The following ELMO1 variants were observed in gnomAD, a reference collection of about 807,000 sequenced individuals.
The protein encoded by ELMO1 is engulfment and cell motility protein 1.
A neutral mutation model predicts 98.9 loss-of-function variants in ELMO1; 26 were observed. That is an observed-to-expected ratio of 0.26 (90% confidence interval 0.19 to 0.36). The LOEUF (loss-of-function observed/expected upper bound fraction) is 0.36. ELMO1 is among the 10% of genes least tolerant of loss of function. The pLI is 1.00. For synonymous variants in ELMO1, 346 were observed against 346.0 expected, an observed-to-expected ratio of 1.00 and a Z score of 0.00; for missense variants, 627 against 935.2, an observed-to-expected ratio of 0.67 and a Z score of 4.30.
At chr7:36,950,572 A>T (rs1159644930) in intron 16 of ELMO1, among the ~76,000 whole-genome samples, 1 of 152,168 alleles carries the variant, frequency 6.6e-6, no homozygotes, top group Non-Finnish European at 1.5e-5. Context: ...GTCCTTCCTA[A>T]GGTGAAGGTA....
intron 16 of ELMO1, among the ~76,000 whole-genome samples, chr7:36,947,190 T>C (rs1235544081): frequency 6.6e-6 from 1 of 152,220 alleles, no homozygotes; most frequent in Non-Finnish European, 1.5e-5. Context: ...ACCCAATGTT[T>C]AGCTCTCACT....
At chr7:36,962,720 T>A (rs1226512424) in intron 16 of ELMO1, among the ~76,000 whole-genome samples, 3 of 152,138 alleles carry the variant, frequency 2.0e-5, no homozygotes, top group African/African-American at 7.2e-5. Context: ...CTAAAATTCA[T>A]GAGCTCCTTA....
chr7:36,975,912 A>G (rs925643842), intron 16 of ELMO1, among the ~76,000 whole-genome samples: 2 of 152,196 alleles, frequency 1.3e-5, no homozygotes, highest in African/African-American at 2.4e-5. Context: ...TGTACATACA[A>G]TAGTGATTTG....
At chr7:37,388,544 C>T (rs946092781) in intron 1 of ELMO1, among the ~76,000 whole-genome samples, 1 of 151,388 alleles carries the variant, frequency 6.6e-6, no homozygotes, top group African/African-American at 2.4e-5. Context: ...GCTGGGAAAA[C>T]CAAATGTCTT....
intron 13 of ELMO1, among the ~76,000 whole-genome samples, chr7:37,177,884 G>A (rs1052337782): frequency 1.3e-5 from 2 of 152,164 alleles, no homozygotes; most frequent in African/African-American, 4.8e-5. Context: ...ATTGAAATCA[G>A]CTTTCTAAAA....
At chr7:36,972,283 G>A (rs17334729) in intron 16 of ELMO1, among the ~76,000 whole-genome samples, 1 of 152,116 alleles carries the variant, frequency 6.6e-6, no homozygotes, top group Admixed American at 6.6e-5. Flanking sequence ...ATAACAACTC[G>A]TATCCTGATG....
chr7:36,861,444 C>T (rs1304657609), intron 21 of ELMO1, among the ~76,000 whole-genome samples: 1 of 151,918 alleles, frequency 6.6e-6, no homozygotes, highest in African/African-American at 2.4e-5. Flanking sequence ...CATCCTTTTT[C>T]TTTACCATGA....
intron 3 of ELMO1, 86 bp downstream of exon 3, chr7:37,315,834 A>G: frequency 8.1e-7 from 1 of 1,233,716 alleles, no homozygotes; most frequent in Non-Finnish European, 1.2e-6. Context: ...CTTATGAATA[A>G]TATTTTACTA....
rs1803394437 is a variant in ELMO1, at chr7:37,398,585, A to AAACT, written c.-74+50086_-74+50089dup. On this transcript the variant is annotated intron_variant, in intron 1 of 21. Coordinates refer to ENST00000310758, the MANE Select transcript of ELMO1 (RefSeq NM_014800.11). ...CAAAAGTCAACCTTTCTATGCAAGG[A>AAACT]AACTAACGGGCTGAAGTTTCCTTCC... 2.6e-5 allele frequency among the ~76,000 whole-genome samples: 4 copies of AAACT among 152,348 alleles called. No homozygotes were observed. In the South Asian group the frequency reaches 6.2e-4, roughly 24 times the overall value.
intron 6 of ELMO1, among the ~76,000 whole-genome samples, chr7:37,247,753 C>T (rs1795088233): frequency 6.6e-6 from 1 of 152,156 alleles, no homozygotes; most frequent in South Asian, 2.1e-4. Context: ...GTGCAAGGTG[C>T]CACCTGGAGC....
intron 15 of ELMO1, among the ~76,000 whole-genome samples, chr7:37,086,323 T>G (rs1783768195): frequency 7.0e-6 from 1 of 143,602 alleles, no homozygotes; most frequent in African/African-American, 2.7e-5. Context: ...TTTGTAACAA[T>G]ACATGACTGT....
rs377096701 is a variant in ELMO1, at chr7:37,346,775, C to G, written c.-73-4012G>C. ...AAAATGCATTTTAAGTACCTTGCCC[C>G]CACCTCTACATAAAATTGTCTAGAA... On this transcript the variant is annotated intron_variant, in intron 1 of 21. Coordinates refer to ENST00000310758, the MANE Select transcript of ELMO1 (RefSeq NM_014800.11). Among the ~76,000 whole-genome samples the G allele has an allele frequency of 1.1e-3, 164 of 152,258 alleles. 6 individuals carry two copies. In the South Asian group the frequency reaches 0.034, roughly 31 times the overall value.
intron 14 of ELMO1, among the ~76,000 whole-genome samples, chr7:37,120,397 A>G (rs2551068): frequency 0.25 from 38,099 of 152,124 alleles, 6,197 homozygotes; most frequent in African/African-American, 0.47. Flanking sequence ...GGTAACAAAC[A>G]GCACCTGGGA....
At chr7:37,348,748 G>C (rs1409194255) in intron 1 of ELMO1, among the ~76,000 whole-genome samples, 1 of 151,894 alleles carries the variant, frequency 6.6e-6, no homozygotes, top group African/African-American at 2.4e-5. Flanking sequence ...TATGCCCCAA[G>C]TTCAACATGC....
intron 15 of ELMO1, among the ~76,000 whole-genome samples, chr7:37,092,419 C>A (rs1246918129): frequency 7.4e-6 from 1 of 135,624 alleles, no homozygotes; most frequent in African/African-American, 2.8e-5. Flanking sequence ...CGCTCTGTCG[C>A]CCAGGCTGGA....
At chr7:37,015,659 G>GATCT (rs1395229166) in intron 15 of ELMO1, among the ~76,000 whole-genome samples, 2 of 152,102 alleles carry the variant, frequency 1.3e-5, no homozygotes, top group African/African-American at 4.8e-5. Flanking sequence ...CTTCTCCCTT[G>GATCT]GCTTCAAAGC....
rs371867067 is a variant in ELMO1 at position 37,140,158 on chromosome 7, G to A, written c.1087-6924C>T. Among the ~76,000 whole-genome samples, 11 of 151,328 alleles carry A rather than the reference G, an allele frequency of 7.3e-5. No homozygotes were observed. The East Asian group carries it at 1.4e-3, about 19-fold the overall frequency. On this transcript the variant is annotated intron_variant, in intron 13 of 21. Transcript: ENST00000310758. Reference sequence around the variant, plus strand: ...TGGGAGGCCATGGTGGGCAGATCACGAGGTCAGGAGAGCGAGACCATCCTG... The same window carrying A: ...TGGGAGGCCATGGTGGGCAGATCACAAGGTCAGGAGAGCGAGACCATCCTG...
At chr7:36,882,689 T>G (rs1475871775) in intron 18 of ELMO1, among the ~76,000 whole-genome samples, 1 of 152,206 alleles carries the variant, frequency 6.6e-6, no homozygotes, top group African/African-American at 2.4e-5. Flanking sequence ...TTGTAAAAAC[T>G]TCAGAAATCC....
intron 3 of ELMO1, among the ~76,000 whole-genome samples, chr7:37,315,485 G>T (rs564638891): frequency 3.9e-4 from 59 of 152,230 alleles, no homozygotes; most frequent in Admixed American, 1.2e-3. Context: ...CAGCCACAAA[G>T]AAGTAGGAAA....
Sources: allele counts gnomAD v4.1 joint callset (sites outside exome capture counted in the v4.1 genomes callset), GRCh38; gene constraint gnomAD v4.1.1; transcripts MANE v1.5; gene names NCBI Gene and HGNC (gene_info 2026-07-23, HGNC 2026-07-21).